Variants in HEPHL1 observed in about 807,000 individuals in gnomAD.
The protein encoded by HEPHL1 is ferroxidase HEPHL1.
HEPHL1 carries 123 observed loss-of-function variants against 122.0 expected under a neutral mutation model. The ratio of observed to expected loss-of-function variants is 1.01; its 90% CI spans 0.87 to 1.17. The LOEUF (loss-of-function observed/expected upper bound fraction) is 1.17. Ranked by LOEUF, HEPHL1 falls within the 50% of genes most tolerant of loss-of-function variation. HEPHL1 has a pLI of 0.00. For synonymous variants in HEPHL1, 527 were observed against 508.9 expected, an observed-to-expected ratio of 1.04 and a Z score of -0.48; for missense variants, 1,452 against 1,430.5, an observed-to-expected ratio of 1.01 and a Z score of -0.24.
At chr11:94,039,654 A>G (rs1945757595) in intron 1 of HEPHL1, among the ~76,000 whole-genome samples, 1 of 151,802 alleles carries the variant, frequency 6.6e-6, no homozygotes, top group Non-Finnish European at 1.5e-5. Flanking sequence ...GCAGAAATAA[A>G]GATGTTCTTT....
intron 1 of HEPHL1, among the ~76,000 whole-genome samples, chr11:94,027,303 T>C (rs1332826056): frequency 6.6e-6 from 1 of 152,186 alleles, no homozygotes; most frequent in Non-Finnish European, 1.5e-5. Context: ...AGACCCATTT[T>C]TCCAATAAGT....
chr11:94,035,433 G>C (rs1445203782), intron 1 of HEPHL1, among the ~76,000 whole-genome samples: 19 of 152,210 alleles, frequency 1.2e-4, no homozygotes, highest in African/African-American at 2.4e-5. Context: ...TGGCTTTCAA[G>C]CTTACCCAAG....
intron 5 of HEPHL1, among the ~76,000 whole-genome samples, chr11:94,069,915 G>A (rs1346676152): frequency 6.6e-6 from 1 of 152,086 alleles, no homozygotes; most frequent in Non-Finnish European, 1.5e-5. Context: ...TACACGAAGT[G>A]TATGAGTATG....
chr11:94,100,257 C>T (rs1946357334), intron 13 of HEPHL1, among the ~76,000 whole-genome samples: 1 of 152,190 alleles, frequency 6.6e-6, no homozygotes, highest in South Asian at 2.1e-4. Flanking sequence ...CAATTAAAAC[C>T]ATGGCTTGAA....
In HEPHL1 at chr11:94,106,135, G is replaced by T; in HGVS notation, c.3045+5G>T. 1 of 1,537,922 alleles carries T rather than the reference G, an allele frequency of 6.5e-7. No homozygotes were observed. Among genetic ancestry groups the T allele is most frequent in the South Asian group, 1.3e-5 (1 of 77,844 alleles). On this transcript the variant is annotated splice_donor_5th_base_variant and intron_variant, in intron 17 of 19. Coordinates refer to ENST00000315765, the MANE Select transcript of HEPHL1 (RefSeq NM_001098672.2). ...GCTGAGAGCTTTCTTTTCAAAGTAA[G>T]TATAAGGAAAGTGCTTTGGGAAAGA...
chr11:94,088,831 T>C lies in HEPHL1; in HGVS notation c.2157T>C (p.Cys719=). 1 of 1,613,992 alleles carries C rather than the reference T, an allele frequency of 6.2e-7. No individual in the cohort carries two copies. The highest frequency in any genetic ancestry group is 8.5e-7 in the Non-Finnish European group (1 of 1,179,888). ...GTCAGATCTATGAGGTCAGCAGCTGTGACAACAGGGACCCTTCTGAGCAGC... is the reference window on the plus strand; with the variant it reads ...GTCAGATCTATGAGGTCAGCAGCTGCGACAACAGGGACCCTTCTGAGCAGC... The part of the protein sequence containing the change: ...GMGQIYEVSS[C]DNRDPSEQRY... Residue 719 remains cysteine, a synonymous_variant, in exon 12 of 20, where the codon TGT becomes TGC. Transcript: ENST00000315765.
chr11:94,104,350 T>C (rs1946392298), intron 15 of HEPHL1, among the ~76,000 whole-genome samples, 178 bp from the exon 16 acceptor site: 2 of 152,106 alleles, frequency 1.3e-5, no homozygotes, highest in African/African-American at 4.8e-5. Context: ...AGTATAAAGA[T>C]TACTGTGATG....
chr11:94,090,775 G>C (rs1040029386), intron 12 of HEPHL1, among the ~76,000 whole-genome samples: 1 of 152,158 alleles, frequency 6.6e-6, no homozygotes, highest in Non-Finnish European at 1.5e-5. Flanking sequence ...CCATGGCCAT[G>C]GTAGGAGCCC....
chr11:94,081,134 G>T (rs1261225316), intron 9 of HEPHL1, among the ~76,000 whole-genome samples: 1 of 152,198 alleles, frequency 6.6e-6, no homozygotes, highest in Non-Finnish European at 1.5e-5. Flanking sequence ...ATGAGATCAT[G>T]TCCTTTGCAG....
At chr11:94,054,638 C>T (rs1003804223) in intron 2 of HEPHL1, among the ~76,000 whole-genome samples, 1 of 152,220 alleles carries the variant, frequency 6.6e-6, no homozygotes, top group African/African-American at 2.4e-5. Context: ...AATCTTCAAT[C>T]AACGATAGGA....
intron 13 of HEPHL1, among the ~76,000 whole-genome samples, chr11:94,100,360 T>C (rs1946358667): frequency 6.6e-6 from 1 of 152,130 alleles, no homozygotes; most frequent in African/African-American, 2.4e-5. Context: ...GAGAGAGCCA[T>C]AGGGATCAGG....
At chr11:94,029,131 C>A (rs555953179) in intron 1 of HEPHL1, among the ~76,000 whole-genome samples, 3 of 152,156 alleles carry the variant, frequency 2.0e-5, no homozygotes, top group Admixed American at 2.0e-4. Flanking sequence ...CCAGCCTCAA[C>A]AAATTTTTAT....
intron 11 of HEPHL1, among the ~76,000 whole-genome samples, chr11:94,087,002 G>A (rs571053594): frequency 2.2e-4 from 33 of 152,160 alleles, no homozygotes; most frequent in Non-Finnish European, 4.6e-4. Flanking sequence ...GCTTTCCACT[G>A]GAACTGCAGT....
At chr11:94,075,839 CA>C (rs147767182) in intron 9 of HEPHL1, among the ~76,000 whole-genome samples, 2,280 of 152,220 alleles carry the variant, frequency 0.015, 58 homozygotes, top group African/African-American at 0.053. Flanking sequence ...CTGTGACCCA[CA>C]ACTGTAAAAT....
At chr11:94,083,327 T>A (rs1263427349) in intron 10 of HEPHL1, among the ~76,000 whole-genome samples, 1 of 152,210 alleles carries the variant, frequency 6.6e-6, no homozygotes, top group African/African-American at 2.4e-5. Context: ...ATCCCAGATC[T>A]TCATTTGAGA....
chr11:94,089,003 G>C (rs1313815747), intron 12 of HEPHL1, 35 bp downstream of exon 12: 1 of 1,583,248 alleles, frequency 6.3e-7, no homozygotes, highest in Non-Finnish European at 8.7e-7. Context: ...CTCCTCGGTG[G>C]GATCGCGCAT....
At chr11:94,099,341 A>G (rs1330909388) in intron 13 of HEPHL1, among the ~76,000 whole-genome samples, 1 of 152,246 alleles carries the variant, frequency 6.6e-6, no homozygotes, top group Non-Finnish European at 1.5e-5. Context: ...ATTTCTGAAC[A>G]GCAAATGTTG....
In HEPHL1 at chr11:94,067,478, G is replaced by C. The variant is rs758383587; in HGVS notation, c.809-18G>C. 21 of 1,610,178 alleles carry C rather than the reference G, an allele frequency of 1.3e-5. No homozygotes were observed. Among genetic ancestry groups the C allele is most frequent in the Non-Finnish European group, 1.5e-5 (18 of 1,176,878 alleles). The stretch of plus-strand genomic sequence containing the variant: ...CTCTGCAGGGGAGTCTCTTCCACTA[G>C]CGTGTTTCTGTTTCCAGCCCTCAAT... On this transcript the variant is annotated intron_variant, in intron 4 of 19. Coordinates refer to ENST00000315765, the MANE Select transcript of HEPHL1 (RefSeq NM_001098672.2).
intron 2 of HEPHL1, chr11:94,055,845 A>G (rs1158158510): frequency 7.4e-6 from 4 of 540,820 alleles, no homozygotes; most frequent in African/African-American, 5.8e-5. Context: ...CCTGTACTCC[A>G]TGGAATCTGC....
Sources: allele counts gnomAD v4.1 joint callset (sites outside exome capture counted in the v4.1 genomes callset), GRCh38; gene constraint gnomAD v4.1.1; transcripts MANE v1.5; gene names NCBI Gene and HGNC (gene_info 2026-07-23, HGNC 2026-07-21).